Variants in RCSD1 observed in about 807,000 individuals in gnomAD.
The protein encoded by RCSD1 is capZ-interacting protein.
In RCSD1, 26 loss-of-function variants were observed where a neutral mutation model predicts 42.5. That is an observed-to-expected ratio of 0.61 (90% CI 0.45 to 0.85). The LOEUF (loss-of-function observed/expected upper bound fraction) is 0.85, where lower values mean the gene tolerates loss of function less well. Among genes scored for constraint, RCSD1 ranks in the 40% least tolerant of loss-of-function variants. The probability of loss-of-function intolerance (pLI) is 0.00; values close to 1 mark genes in which losing one functional copy is unlikely to be tolerated. For missense variants in RCSD1, 571 were observed against 528.3 expected, an observed-to-expected ratio of 1.08 and a Z score of -0.79; for synonymous variants, 220 against 212.2, an observed-to-expected ratio of 1.04 and a Z score of -0.32.
chr1:167,642,866 C>T (rs1327481906), intron 1 of RCSD1, among the ~76,000 whole-genome samples: 1 of 152,178 alleles, frequency 6.6e-6, no homozygotes, highest in Non-Finnish European at 1.5e-5. Context: ...GAAAGTCGGC[C>T]TGTGAGTAAC....
intron 1 of RCSD1, among the ~76,000 whole-genome samples, chr1:167,634,855 A>T (rs1026808819): frequency 6.6e-6 from 1 of 152,126 alleles, no homozygotes; most frequent in African/African-American, 2.4e-5. Context: ...ATTACATACC[A>T]GATCTTGTAT....
intron 1 of RCSD1, 161 bp downstream of exon 1, chr1:167,630,590 C>A: frequency 2.9e-6 from 2 of 686,144 alleles, no homozygotes; most frequent in Non-Finnish European, 4.3e-6. Context: ...CCTTGACCAA[C>A]TCCGAAGGAT....
chr1:167,682,544 C>T (rs1335854727), intron 1 of RCSD1, among the ~76,000 whole-genome samples: 1 of 152,168 alleles, frequency 6.6e-6, no homozygotes, highest in Non-Finnish European at 1.5e-5. Flanking sequence ...GTGAGGAGAT[C>T]TGCCCCTCCC....
At position 167,679,947 on chromosome 1, in the gene RCSD1, CAG is replaced by C. The variant is rs1175983776; in HGVS notation, c.7-3952_7-3951del. ...GGGGAAGTTCCATGCTGTCCAGACA[CAG>C]GGGCTCCTCAGTTCTCGGAAGAAAG... On this transcript the variant is annotated intron_variant, in intron 1 of 6. Coordinates refer to ENST00000367854, the MANE Select transcript of RCSD1 (RefSeq NM_052862.4). Among the ~76,000 whole-genome samples, 2 of 152,274 alleles carry C rather than the reference CAG, an allele frequency of 1.3e-5. 1 individual carries two copies. The highest frequency in any genetic ancestry group is 4.2e-4 in the South Asian group (2 of 4,814).
intron 4 of RCSD1, among the ~76,000 whole-genome samples, chr1:167,690,914 C>T (rs374436027): frequency 1.3e-5 from 2 of 152,166 alleles, no homozygotes; most frequent in East Asian, 1.9e-4. Flanking sequence ...CCTCACCTCC[C>T]GTGCCCAGGG....
chr1:167,679,947 C>A (rs1034467205), intron 1 of RCSD1, among the ~76,000 whole-genome samples: 3 of 152,156 alleles, frequency 2.0e-5, no homozygotes, highest in Non-Finnish European at 4.4e-5. Flanking sequence ...TGTCCAGACA[C>A]AGGGGCTCCT....
At chr1:167,694,070 A>G (rs757444029) in intron 4 of RCSD1, 29 bp from the exon 5 acceptor site, 12 of 1,610,522 alleles carry the variant, frequency 7.5e-6, no homozygotes, top group South Asian at 6.6e-5. Flanking sequence ...CCCTAGTCCT[A>G]TTTGAAATTG....
chr1:167,701,328 T>C (rs1225827146), intron 6 of RCSD1, among the ~76,000 whole-genome samples: 3 of 107,546 alleles, frequency 2.8e-5, no homozygotes, highest in African/African-American at 9.2e-5. Context: ...TTTTTTTAGA[T>C]GGAGTGTTGC....
intron 1 of RCSD1, chr1:167,663,901 T>C (rs1390120824): frequency 6.6e-6 from 1 of 152,260 alleles, no homozygotes; most frequent in African/African-American, 2.4e-5. Context: ...ATGCAATATC[T>C]CATTTGGGCT....
chr1:167,668,784 G>A (rs574833146), intron 1 of RCSD1, among the ~76,000 whole-genome samples: 71 of 151,662 alleles, frequency 4.7e-4, no homozygotes, highest in Admixed American at 8.5e-4. Flanking sequence ...CTGAATGGGG[G>A]AAGGTGCATG....
intron 1 of RCSD1, among the ~76,000 whole-genome samples, chr1:167,637,760 A>ACACC (rs1657897597): frequency 6.6e-6 from 1 of 150,884 alleles, no homozygotes; most frequent in Non-Finnish European, 1.5e-5. Flanking sequence ...ACACACACAC[A>ACACC]CACACCCCTT....
intron 1 of RCSD1, among the ~76,000 whole-genome samples, chr1:167,647,850 C>T (rs1229380): frequency 0.8 from 121,503 of 152,220 alleles, 48,698 homozygotes; most frequent in African/African-American, 0.88. Flanking sequence ...TTTTAAAATA[C>T]TAATTTGCTA....
At chr1:167,638,412 A>G (rs1657912975) in intron 1 of RCSD1, 1 of 152,266 alleles carries the variant, frequency 6.6e-6, no homozygotes, top group Non-Finnish European at 1.5e-5. Context: ...AGGCTTTGAG[A>G]TGCTTAAATG....
intron 1 of RCSD1, among the ~76,000 whole-genome samples, chr1:167,652,006 G>T (rs1457645963): frequency 6.8e-6 from 1 of 146,240 alleles, no homozygotes; most frequent in East Asian, 2.0e-4. Context: ...CCAGGCTCCT[G>T]CCTCTGTTCA....
intron 1 of RCSD1, among the ~76,000 whole-genome samples, chr1:167,655,536 G>A (rs931785882): frequency 6.6e-6 from 1 of 152,134 alleles, no homozygotes; most frequent in Admixed American, 6.5e-5. Flanking sequence ...TGACCTGCGT[G>A]TGCCATCCCA....
intron 1 of RCSD1, among the ~76,000 whole-genome samples, chr1:167,647,058 A>C (rs1041291780): frequency 4.8e-5 from 7 of 146,166 alleles, no homozygotes; most frequent in Admixed American, 7.1e-5. Context: ...TGAACCTGGG[A>C]GGCAGAGGTT....
At chr1:167,631,168 G>T (rs1657687719) in intron 1 of RCSD1, among the ~76,000 whole-genome samples, 1 of 152,232 alleles carries the variant, frequency 6.6e-6, no homozygotes, top group South Asian at 2.1e-4. Flanking sequence ...GAGGTCCGGG[G>T]ACTTTCCTTG....
intron 1 of RCSD1, among the ~76,000 whole-genome samples, chr1:167,651,119 C>G (rs1658295401): frequency 2.0e-5 from 3 of 152,162 alleles, no homozygotes; most frequent in Non-Finnish European, 4.4e-5. Flanking sequence ...TCGTAATGAC[C>G]TTGTTTTAAC....
chr1:167,676,419 A>G (rs1247471815), intron 1 of RCSD1, among the ~76,000 whole-genome samples: 2 of 152,258 alleles, frequency 1.3e-5, no homozygotes, highest in Non-Finnish European at 2.9e-5. Context: ...GGCCTCATTT[A>G]CAAACAAGGA....
Sources: allele counts gnomAD v4.1 joint callset (sites outside exome capture counted in the v4.1 genomes callset), GRCh38; gene constraint gnomAD v4.1.1; transcripts MANE v1.5; gene names NCBI Gene and HGNC (gene_info 2026-07-23, HGNC 2026-07-21).